Variants in ZDHHC11B observed in about 807,000 individuals in gnomAD.
ZDHHC11B encodes the protein probable palmitoyltransferase ZDHHC11B.
In ZDHHC11B, 17 loss-of-function variants were observed where a neutral mutation model predicts 42.3. The ratio of observed to expected loss-of-function variants is 0.40; its 90% CI spans 0.27 to 0.60. The LOEUF is 0.60. Among genes scored for constraint, ZDHHC11B ranks in the 20% least tolerant of loss-of-function variants. ZDHHC11B has a pLI of 0.41. For missense variants in ZDHHC11B, 262 were observed against 463.2 expected (o/e 0.57, Z 3.99); for synonymous variants, 123 against 193.5 (o/e 0.64, Z 3.02).
Position 710,940 on chromosome 5 carries a change from T to A in ZDHHC11B, c.*1350A>T, listed in dbSNP as rs1472209654. 1 of 139,468 alleles carries A rather than the reference T, an allele frequency of 7.2e-6. No individual in the cohort carries two copies. Among genetic ancestry groups the A allele is most frequent in the African/African-American group, 2.8e-5 (1 of 35,328 alleles). 8.6% of individuals were successfully genotyped at this position (139,468 alleles called of 1,614,324 possible). On this transcript the variant is annotated 3_prime_UTR_variant, in exon 14 of 14. Transcript: ENST00000508859. Reference sequence around the variant, plus strand: ...ATGCTATGCTCCCATTTCCCAGTGCTGTGAGCTCCCATTTCCCAGTACTGT... The same window carrying A: ...ATGCTATGCTCCCATTTCCCAGTGCAGTGAGCTCCCATTTCCCAGTACTGT...
intron 10 of ZDHHC11B, among the ~76,000 whole-genome samples, chr5:736,236 G>A (rs1269601624): frequency 6.7e-6 from 1 of 149,818 alleles, no homozygotes; most frequent in East Asian, 2.0e-4. Flanking sequence ...AACACTATAC[G>A]ATGATAAAAG....
chr5:712,547 CTAT>C, intron 13 of ZDHHC11B, among the ~76,000 whole-genome samples: 1 of 116,476 alleles, frequency 8.6e-6, no homozygotes, highest in East Asian at 2.5e-4. Context: ...AGGCCATTTT[CTAT>C]TGTTATTCTT....
At chr5:724,110 A>G (rs1230139219) in intron 12 of ZDHHC11B, among the ~76,000 whole-genome samples, 4 of 151,742 alleles carry the variant, frequency 2.6e-5, no homozygotes, top group Admixed American at 6.6e-5. Context: ...CTGTGTCATC[A>G]GTGCTCCCAG....
At chr5:778,791 CAGAG>C (rs1383149133) in intron 1 of ZDHHC11B, among the ~76,000 whole-genome samples, 11 of 151,804 alleles carry the variant, frequency 7.2e-5, no homozygotes, top group South Asian at 2.1e-4. Flanking sequence ...AGAGAAGACA[CAGAG>C]AGAAGAGAAG....
chr5:777,087 C>G (rs1171404456), intron 1 of ZDHHC11B, among the ~76,000 whole-genome samples: 1 of 151,868 alleles, frequency 6.6e-6, no homozygotes, highest in Non-Finnish European at 1.5e-5. Context: ...GCTGCGGAGC[C>G]CCGCAGTGAG....
intron 6 of ZDHHC11B, among the ~76,000 whole-genome samples, chr5:752,280 C>T (rs1745876493): frequency 1.2e-5 from 1 of 83,592 alleles, no homozygotes; most frequent in Non-Finnish European, 2.7e-5. Flanking sequence ...CACACCTCGG[C>T]TGCAGTCCCC....
chr5:718,838 G>A lies in ZDHHC11B; in HGVS notation c.1059-1973C>T, dbSNP rs1279596757. On this transcript the variant is annotated intron_variant, in intron 12 of 13. Coordinates refer to ENST00000508859, the MANE Select transcript of ZDHHC11B (RefSeq NM_001351303.2). ...AGCAACCTACATTCTTGGAGCAGCT[G>A]GCTGATGTCAGAGTGAGCGTCAGGG... is the stretch of plus-strand genomic sequence containing the variant. Among the ~76,000 whole-genome samples, 7 of 151,786 alleles carry A rather than the reference G, an allele frequency of 4.6e-5. 1 individual carries two copies. Among genetic ancestry groups the A allele is most frequent in the Non-Finnish European group, 7.4e-5 (5 of 68,012 alleles).
rs909968303 is a variant in ZDHHC11B, at chr5:726,298, C to G, written c.1058+4136G>C. On this transcript the variant is annotated intron_variant, in intron 12 of 13. Transcript: ENST00000508859. ...AGATGTTTGTAATGTGCGCAGCAGGCAGAGCCTGAAGTAGAAGGCTGTGAG... is the reference window on the plus strand; with the variant it reads ...AGATGTTTGTAATGTGCGCAGCAGGGAGAGCCTGAAGTAGAAGGCTGTGAG... Among the ~76,000 whole-genome samples, 44 of 151,364 alleles carry G rather than the reference C, an allele frequency of 2.9e-4. 1 individual carries two copies. Among genetic ancestry groups the G allele is most frequent in the African/African-American group, 1.0e-3 (43 of 40,970 alleles).
chr5:714,206 C>A, intron 13 of ZDHHC11B, among the ~76,000 whole-genome samples: 1 of 132,060 alleles, frequency 7.6e-6, no homozygotes, highest in Non-Finnish European at 1.6e-5. Flanking sequence ...CCTCTGGCTT[C>A]ATTTCATTCC....
rs391675 is a variant in ZDHHC11B at position 767,388 on chromosome 5, C to G, written c.-1+4G>C. The G allele has an allele frequency of 4.5e-6, 7 of 1,552,814 alleles. No homozygotes were observed. Among genetic ancestry groups the G allele is most frequent in the Admixed American group, 1.8e-5 (1 of 55,898 alleles). ...GCCAAGGGCTCCCCGGGGCCAACAC[C>G]TGCCTCGGCGCACACTGCACGCCTG... On this transcript the variant is annotated splice_donor_region_variant and intron_variant, in intron 3 of 13. Coordinates refer to ENST00000508859, the MANE Select transcript of ZDHHC11B (RefSeq NM_001351303.2).
chr5:784,022 G>C (rs1373266682), intron 1 of ZDHHC11B, among the ~76,000 whole-genome samples: 4 of 151,458 alleles, frequency 2.6e-5, no homozygotes, highest in Admixed American at 2.0e-4. Flanking sequence ...CAGGGGTGCG[G>C]GAAGGTGTCC....
chr5:716,656 G>A, intron 13 of ZDHHC11B, 145 bp downstream of exon 13: 2 of 974,060 alleles, frequency 2.1e-6, no homozygotes, highest in Non-Finnish European at 3.1e-6. Context: ...TTCCTGTTCT[G>A]GGGTTACTGT....
At chr5:741,915 C>CACTAGCAAGAA (rs70955297) in intron 9 of ZDHHC11B, among the ~76,000 whole-genome samples, 2 of 56,232 alleles carry the variant, frequency 3.6e-5, no homozygotes, top group African/African-American at 5.0e-5. Context: ...ATTTAACTCC[C>CACTAGCAAGAA]ACGCAGGAGA....
chr5:780,841 G>C (rs1185988546), intron 1 of ZDHHC11B, among the ~76,000 whole-genome samples: 14 of 152,100 alleles, frequency 9.2e-5, no homozygotes, highest in African/African-American at 3.4e-4. Context: ...CCGAGGGGCA[G>C]AGGAAACCGG....
chr5:771,601 G>A, intron 1 of ZDHHC11B, among the ~76,000 whole-genome samples: 1 of 151,680 alleles, frequency 6.6e-6, no homozygotes, highest in Non-Finnish European at 1.5e-5. Flanking sequence ...TTTTATCGCT[G>A]ACAACATTTC....
chr5:747,809 C>T (rs1204398379), intron 8 of ZDHHC11B: 2 of 179,580 alleles, frequency 1.1e-5, no homozygotes, highest in African/African-American at 2.4e-5. Context: ...CCACCATGAC[C>T]AAAACGGCTG....
At chr5:767,262 C>T in intron 3 of ZDHHC11B, 130 bp downstream of exon 3, 7 of 1,126,504 alleles carry the variant, frequency 6.2e-6, no homozygotes, top group Non-Finnish European at 8.9e-6. Flanking sequence ...AACGGGAAGA[C>T]CTGAGCTGCC....
intron 12 of ZDHHC11B, among the ~76,000 whole-genome samples, chr5:721,923 G>A (rs1415960710): frequency 4.6e-5 from 7 of 151,848 alleles, no homozygotes; most frequent in Admixed American, 2.6e-4. Flanking sequence ...ACTCAAATAT[G>A]TGCATAAATG....
chr5:777,811 C>A (rs1262353708), intron 1 of ZDHHC11B, among the ~76,000 whole-genome samples: 1 of 152,024 alleles, frequency 6.6e-6, no homozygotes, highest in Non-Finnish European at 1.5e-5. Flanking sequence ...CCCGCCAGTA[C>A]TGCGCCACGC....
Sources: allele counts gnomAD v4.1 joint callset (sites outside exome capture counted in the v4.1 genomes callset), GRCh38; gene constraint gnomAD v4.1.1; transcripts MANE v1.5; gene names NCBI Gene and HGNC (gene_info 2026-07-23, HGNC 2026-07-21).